The following CLVS1 variants were observed in gnomAD, a reference collection of about 807,000 sequenced individuals.
CLVS1 encodes the protein clavesin-1.
Under a neutral mutation model 33.1 loss-of-function variants are expected in CLVS1, and 10 were observed. The observed-to-expected ratio is 0.30, with a 90% CI of 0.19 to 0.51. CLVS1 has a LOEUF of 0.51. CLVS1 is among the 20% of genes least tolerant of loss of function. The pLI is 0.97. For synonymous variants in CLVS1, 163 were observed against 166.1 expected, an observed-to-expected ratio of 0.98 and a Z score of 0.14; for missense variants, 343 against 433.4, an observed-to-expected ratio of 0.79 and a Z score of 1.85.
intron 1 of CLVS1, among the ~76,000 whole-genome samples, chr8:61,094,020 C>T (rs1805302097): frequency 6.6e-6 from 1 of 152,232 alleles, no homozygotes; most frequent in Admixed American, 6.5e-5. Context: ...TGCCCCATCA[C>T]CAGCTCCGTG....
chr8:61,081,110 A>C (rs985548333), intron 1 of CLVS1, among the ~76,000 whole-genome samples: 1 of 152,168 alleles, frequency 6.6e-6, no homozygotes, highest in African/African-American at 2.4e-5. Context: ...TGTTGTATTT[A>C]ATTTGGAAAG....
At chr8:61,240,670 G>A (rs1808679654) in intron 2 of CLVS1, among the ~76,000 whole-genome samples, 1 of 152,096 alleles carries the variant, frequency 6.6e-6, no homozygotes, top group South Asian at 2.1e-4. Context: ...TAAATGTGTT[G>A]TTGGTTTGTT....
At chr8:61,095,870 T>C (rs370000996) in intron 1 of CLVS1, among the ~76,000 whole-genome samples, 5 of 152,338 alleles carry the variant, frequency 3.3e-5, no homozygotes, top group East Asian at 3.9e-4. Context: ...CAGCTGCAGA[T>C]ACAGTTCATA....
chr8:61,150,681 GT>G, intron 2 of CLVS1, among the ~76,000 whole-genome samples: 1 of 152,294 alleles, frequency 6.6e-6, no homozygotes, highest in South Asian at 2.1e-4. Flanking sequence ...GTGTGTGCAT[GT>G]GTGTTCCTTG....
rs1188366643 is a variant in CLVS1 at position 61,246,167 on chromosome 8, C to CTTTTTTTTTTTTTTTTTT, written c.-151-53498_-151-53481dup. On this transcript the variant is annotated intron_variant, in intron 2 of 2. Coordinates refer to the CLVS1 transcript ENST00000522621. ...AAACCCTTTTTCTCTTCCTTCCCAA[C>CTTTTTTTTTTTTTTTTTT]TTTTTTTTTTTTTTTTTTTTTTTTT... 1.5e-4 allele frequency among the ~76,000 whole-genome samples: 12 copies of CTTTTTTTTTTTTTTTTTT among 82,240 alleles called. 3 individuals are homozygous for CTTTTTTTTTTTTTTTTTT. The highest frequency in any genetic ancestry group is 8.7e-4 in the Admixed American group (5 of 5,758). The allele number at this position is 82,240 out of a possible 152,430, so 54.0% of individuals were successfully genotyped here. A position where few individuals can be genotyped will look rare whatever the true frequency, so the allele number is the denominator to read the frequency against.
intron 2 of CLVS1, among the ~76,000 whole-genome samples, chr8:61,338,812 C>T (rs1228668574): frequency 2.0e-5 from 3 of 152,258 alleles, no homozygotes; most frequent in South Asian, 2.1e-4. Context: ...CACACCTCTG[C>T]CCCGGGGAGG....
At chr8:61,078,025 A>G (rs1804955869) in intron 1 of CLVS1, among the ~76,000 whole-genome samples, 1 of 152,166 alleles carries the variant, frequency 6.6e-6, no homozygotes. Flanking sequence ...AGCAAGTAGT[A>G]CTGGGGCGGA....
At chr8:61,247,436 T>C (rs1019529854) in intron 2 of CLVS1, among the ~76,000 whole-genome samples, 5 of 152,238 alleles carry the variant, frequency 3.3e-5, no homozygotes, top group Non-Finnish European at 5.9e-5. Flanking sequence ...AGGGTTCCAT[T>C]TTCTCTGTAA....
At chr8:61,265,174 T>C (rs1047174975) in intron 2 of CLVS1, among the ~76,000 whole-genome samples, 2 of 152,228 alleles carry the variant, frequency 1.3e-5, no homozygotes, top group African/African-American at 4.8e-5. Context: ...ACATGGCCTA[T>C]ACTGAGCTAC....
At chr8:61,270,931 G>A (rs1308624404) in intron 2 of CLVS1, among the ~76,000 whole-genome samples, 1 of 151,592 alleles carries the variant, frequency 6.6e-6, no homozygotes, top group African/African-American at 2.4e-5. Context: ...CTTGCTAGCG[G>A]TCTATCAATT....
At chr8:61,162,720 C>T (rs1174060379) in intron 2 of CLVS1, among the ~76,000 whole-genome samples, 3 of 152,176 alleles carry the variant, frequency 2.0e-5, no homozygotes, top group Non-Finnish European at 4.4e-5. Context: ...TTGTCTCTAT[C>T]TTTCTGTGTT....
At chr8:61,116,194 G>A (rs1190684274) in intron 1 of CLVS1, among the ~76,000 whole-genome samples, 19 of 151,740 alleles carry the variant, frequency 1.3e-4, no homozygotes, top group Admixed American at 1.2e-3. Flanking sequence ...GTCTGTTCAT[G>A]TCCTTTGCCC....
intron 2 of CLVS1, among the ~76,000 whole-genome samples, chr8:61,352,556 A>G (rs1432592952): frequency 3.9e-5 from 6 of 152,032 alleles, no homozygotes; most frequent in African/African-American, 1.4e-4. Context: ...CGTAGACTGA[A>G]AGTAAAAAGA....
the CLVS1 span, among the ~76,000 whole-genome samples, chr8:60,971,522 T>C: frequency 2.0e-5 from 3 of 152,200 alleles, no homozygotes; most frequent in Non-Finnish European, 4.4e-5. Context: ...CCAAATCCCC[T>C]TTTTTTCTGT....
rs563739063 is a variant in CLVS1, at chr8:61,485,421, C to T, written c.978-14034C>T. On this transcript the variant is annotated intron_variant, in intron 5 of 5. Transcript: ENST00000325897. ...TACCATCTCACACCAGTTAGAATGGCGATCATTAAAAAGTCAGGAAACAAC... is the reference window on the plus strand; with the variant it reads ...TACCATCTCACACCAGTTAGAATGGTGATCATTAAAAAGTCAGGAAACAAC... 3.4e-3 allele frequency among the ~76,000 whole-genome samples: 517 copies of T among 152,192 alleles called. 4 individuals are homozygous for T. The highest frequency in any genetic ancestry group is 0.012 in the African/African-American group (479 of 41,520).
At chr8:61,224,028 T>C (rs1292492320) in intron 2 of CLVS1, among the ~76,000 whole-genome samples, 1 of 152,164 alleles carries the variant, frequency 6.6e-6, no homozygotes, top group African/African-American at 2.4e-5. Context: ...AGGTCATTTA[T>C]GTTCCTCTTT....
chr8:60,986,514 C>T, the CLVS1 span, among the ~76,000 whole-genome samples: 263 of 152,336 alleles, frequency 1.7e-3, 1 homozygote, highest in Middle Eastern at 6.8e-3. Flanking sequence ...GGACCATTTG[C>T]AAAGCAAAGA....
At chr8:61,395,233 A>C (rs1814475039) in intron 3 of CLVS1, among the ~76,000 whole-genome samples, 1 of 152,206 alleles carries the variant, frequency 6.6e-6, no homozygotes, top group Non-Finnish European at 1.5e-5. Context: ...ATGAAGTCAC[A>C]TGTGGAAACT....
chr8:60,981,996 A>T, the CLVS1 span, among the ~76,000 whole-genome samples: 3 of 152,340 alleles, frequency 2.0e-5, no homozygotes, highest in African/African-American at 7.2e-5. Flanking sequence ...GATGCTTCCT[A>T]TAATTTGTGA....
Sources: gnomAD v4.1 joint callset for allele counts (sites outside exome capture counted in the v4.1 genomes callset) on GRCh38, gnomAD v4.1.1 for gene constraint, MANE v1.5 for transcripts, NCBI Gene and HGNC (gene_info 2026-07-23, HGNC 2026-07-21) for gene names.